The following HTT variants were observed in gnomAD, a reference collection of about 807,000 sequenced individuals.
HTT encodes the protein huntington disease protein.
HTT carries 104 observed loss-of-function variants against 362.3 expected under a neutral mutation model. That is an observed-to-expected ratio of 0.29 (90% CI 0.24 to 0.34). The LOEUF (loss-of-function observed/expected upper bound fraction) is 0.34. HTT is among the 10% of genes least tolerant of loss of function. The pLI, the probability that HTT is intolerant of heterozygous loss-of-function variation, is 1.00. For synonymous variants in HTT, 1,577 were observed against 1,548.7 expected (o/e 1.02, Z -0.43); for missense variants, 3,301 against 3,928.6 (o/e 0.84, Z 4.27).
At chr4:3,236,666 G>A (rs1011934653) in intron 64 of HTT, among the ~76,000 whole-genome samples, 1 of 152,156 alleles carries the variant, frequency 6.6e-6, no homozygotes, top group Admixed American at 6.5e-5. Context: ...GGGGGGCCGT[G>A]GTGCCTGTGA....
In HTT at chr4:3,075,064, T is replaced by C; in HGVS notation, c.239T>C (p.Val80Ala). Residue 80 changes from valine (V) to alanine (A), a missense_variant, in exon 1 of 67, where the codon GTG (valine) becomes GCG (alanine). Around this residue, in one of 4 missense-constraint regions of HTT, gnomAD observed 2,316 missense variants for 2,658.5 expected, o/e 0.87. Transcript: ENST00000355072. ...PPPPPPPGPA[V>A]AEEPLHRPKK... ...CCCCCGCCGCCACCCGGCCCGGCTG[T>C]GGCTGAGGAGCCGCTGCACCGACCG... is the stretch of plus-strand genomic sequence containing the variant. 1 of 1,247,530 alleles carries C rather than the reference T, an allele frequency of 8.0e-7. No individual in the cohort carries two copies. Among genetic ancestry groups the C allele is most frequent in the Non-Finnish European group, 1.0e-6 (1 of 1,002,294 alleles). 77.3% of individuals were successfully genotyped at this position (1,247,530 alleles called of 1,614,324 possible). A position where few individuals can be genotyped will look rare whatever the true frequency, so the allele number is the denominator to read the frequency against.
At chr4:3,098,835 A>G (rs1713998763) in intron 2 of HTT, among the ~76,000 whole-genome samples, 1 of 152,238 alleles carries the variant, frequency 6.6e-6, no homozygotes, top group African/African-American at 2.4e-5. Flanking sequence ...TTGTAGGTTA[A>G]GAGTAAAAGT....
intron 38 of HTT, 118 bp downstream of exon 38, chr4:3,186,837 G>GTT: frequency 1.2e-4 from 45 of 380,386 alleles, no homozygotes; most frequent in South Asian, 5.9e-4. Flanking sequence ...TTGAGAGTTT[G>GTT]CTTTTTTTTT....
At chr4:3,135,369 A>G (rs949935317) in intron 19 of HTT, among the ~76,000 whole-genome samples, 4 of 150,116 alleles carry the variant, frequency 2.7e-5, no homozygotes, top group African/African-American at 9.7e-5. Flanking sequence ...TCATTTTCTA[A>G]GAGTAGTTTT....
intron 37 of HTT, among the ~76,000 whole-genome samples, chr4:3,183,482 T>C (rs781097085): frequency 6.6e-6 from 1 of 152,266 alleles, no homozygotes; most frequent in Non-Finnish European, 1.5e-5. Flanking sequence ...AATAAACAAC[T>C]ACTCTGTATA....
chr4:3,084,497 C>T (rs1301238269), intron 1 of HTT, among the ~76,000 whole-genome samples: 3 of 151,662 alleles, frequency 2.0e-5, no homozygotes, highest in East Asian at 3.9e-4. Flanking sequence ...CGAGACCAGC[C>T]GGGCCAACAT....
chr4:3,152,334 G>A (rs1347755534), intron 26 of HTT, among the ~76,000 whole-genome samples: 2 of 152,130 alleles, frequency 1.3e-5, no homozygotes, highest in African/African-American at 2.4e-5. Context: ...TTGTGACCTC[G>A]TGATTAGCCC....
chr4:3,113,417 C>T (rs1243934801), intron 6 of HTT, among the ~76,000 whole-genome samples: 1 of 152,058 alleles, frequency 6.6e-6, no homozygotes, highest in Non-Finnish European at 1.5e-5. Flanking sequence ...GCAGCCTCCA[C>T]CTCCCAGGTT....
intron 6 of HTT, among the ~76,000 whole-genome samples, chr4:3,107,724 C>T (rs1170682990): frequency 3.3e-5 from 5 of 152,154 alleles, no homozygotes; most frequent in East Asian, 1.9e-4. Flanking sequence ...AACCTAGCTG[C>T]GGGAAGATGA....
intron 1 of HTT, among the ~76,000 whole-genome samples, chr4:3,079,645 C>G (rs1422195034): frequency 6.6e-6 from 1 of 152,082 alleles, no homozygotes; most frequent in East Asian, 1.9e-4. Flanking sequence ...TACTACTTGC[C>G]TTGTAGATGG....
At chr4:3,175,164 C>A in intron 33 of HTT, 57 bp downstream of exon 33, 1 of 1,436,490 alleles carries the variant, frequency 7.0e-7, no homozygotes, top group East Asian at 2.3e-5. Context: ...TACAAATTAC[C>A]CTAAAAGACA....
intron 29 of HTT, 27 bp downstream of exon 29, chr4:3,160,419 G>T (rs528500320): frequency 7.0e-7 from 1 of 1,421,810 alleles, no homozygotes; most frequent in Non-Finnish European, 9.7e-7. Flanking sequence ...TTCTCCTTGG[G>T]TTGTGGCTGG....
chr4:3,225,364 C>T (rs544171323), intron 56 of HTT, among the ~76,000 whole-genome samples: 1 of 152,194 alleles, frequency 6.6e-6, no homozygotes, highest in Non-Finnish European at 1.5e-5. Context: ...ACAACCAGTT[C>T]CTATTCACAG....
chr4:3,233,709 C>A (rs138806825), intron 61 of HTT, among the ~76,000 whole-genome samples: 176 of 152,368 alleles, frequency 1.2e-3, no homozygotes, highest in African/African-American at 3.6e-3. Flanking sequence ...TGCACCTTCC[C>A]CGCCCTGGCC....
intron 56 of HTT, among the ~76,000 whole-genome samples, chr4:3,224,486 T>C (rs565063834): frequency 2.0e-5 from 3 of 152,324 alleles, no homozygotes; most frequent in East Asian, 1.9e-4. Flanking sequence ...TAAGAAACCA[T>C]GTGTGGCAGT....
In HTT at chr4:3,080,967, T is replaced by G. The variant is rs563524685; in HGVS notation, c.263+5879T>G. ...GGTCTTTATGTCGATCCTGTGCCAG[T>G]ACCATACAGTCTTGATTACTGAAGT... On this transcript the variant is annotated intron_variant, in intron 1 of 66. Transcript: ENST00000355072. 2.0e-5 allele frequency among the ~76,000 whole-genome samples: 3 copies of G among 152,364 alleles called. No homozygotes were observed. The South Asian group carries it at 6.2e-4, about 32-fold the overall frequency.
chr4:3,215,559 A>G (rs1720358746), intron 51 of HTT, among the ~76,000 whole-genome samples: 1 of 152,162 alleles, frequency 6.6e-6, no homozygotes, highest in Admixed American at 6.5e-5. Context: ...TGTTCTCAGA[A>G]ATTAATGCTC....
At chr4:3,203,970 C>A in intron 41 of HTT, 37 bp from the exon 42 acceptor site, 1 of 1,606,548 alleles carries the variant, frequency 6.2e-7, no homozygotes, top group Non-Finnish European at 8.5e-7. Flanking sequence ...TCACTGCCAT[C>A]CAGAAACATT....
chr4:3,203,767 C>G (rs1006458850), intron 41 of HTT, among the ~76,000 whole-genome samples: 5 of 152,320 alleles, frequency 3.3e-5, no homozygotes, highest in African/African-American at 1.2e-4. Flanking sequence ...GCTATTCAGG[C>G]AAGCATTTTA....
Sources: allele counts gnomAD v4.1 joint callset (sites outside exome capture counted in the v4.1 genomes callset), GRCh38; gene constraint gnomAD v4.1.1; regional missense constraint gnomAD v4.1.1; transcripts MANE v1.5; gene names NCBI Gene and HGNC (gene_info 2026-07-23, HGNC 2026-07-21).